The following SYT12 variants were observed in gnomAD, a reference collection of about 807,000 sequenced individuals.
SYT12 encodes the protein synaptotagmin 12.
Under a neutral mutation model 39.5 loss-of-function variants are expected in SYT12, and 27 were observed. That is an observed-to-expected ratio of 0.68 (90% CI 0.50 to 0.94). SYT12 has a LOEUF of 0.94. Ranked by LOEUF, SYT12 falls within the 40% of genes least tolerant of loss-of-function variation. The pLI, the probability that SYT12 is intolerant of heterozygous loss-of-function variation, is 0.00. For missense variants in SYT12, 536 were observed against 572.6 expected (o/e 0.94, Z 0.65); for synonymous variants, 233 against 239.7 (o/e 0.97, Z 0.26).
In SYT12 at chr11:67,030,112, T is replaced by A. The variant is rs549753151; in HGVS notation, c.-23-10T>A. 1 of 1,613,392 alleles carries A rather than the reference T, an allele frequency of 6.2e-7. No individual in the cohort carries two copies. Among genetic ancestry groups the A allele is most frequent in the Admixed American group, 1.7e-5 (1 of 59,980 alleles). Reference sequence around the variant, plus strand: ...GCAGCCCTCTCCTCTCACTCTCTTTTCCCTTCCAGTCACAGTCACTGCAGC... The same window carrying A: ...GCAGCCCTCTCCTCTCACTCTCTTTACCCTTCCAGTCACAGTCACTGCAGC... On this transcript the variant is annotated splice_polypyrimidine_tract_variant and intron_variant, in intron 1 of 7. Coordinates refer to ENST00000527043, the MANE Select transcript of SYT12 (RefSeq NM_177963.4).
At chr11:67,029,420 A>T (rs943894530) in intron 1 of SYT12, 1 of 152,224 alleles carries the variant, frequency 6.6e-6, no homozygotes, top group Non-Finnish European at 1.5e-5. Flanking sequence ...TGTTGTTAGG[A>T]TGGAAATGAG....
At position 67,045,685 on chromosome 11, in the gene SYT12, T is replaced by C. The variant is rs1185184563; in HGVS notation, c.959-59T>C. ...TTGGAGTCGGTGGGTGGAGCCAAAC[T>C]GGGCAGGGCTGTGGTGAGTGAGTGT... On this transcript the variant is annotated intron_variant, in intron 6 of 7. Coordinates refer to ENST00000527043, the MANE Select transcript of SYT12 (RefSeq NM_177963.4). 3.8e-6 allele frequency: 6 copies of C among 1,591,996 alleles called. No individual in the cohort carries two copies. The Middle Eastern group carries it at 5.0e-4, about 133-fold the overall frequency.
chr11:67,021,073 T>C (rs1182512589), upstream of SYT12, among the ~76,000 whole-genome samples: 3 of 152,316 alleles, frequency 2.0e-5, no homozygotes, highest in East Asian at 5.8e-4. Context: ...CTCTTCTTAG[T>C]GGCACAGTCT....
chr11:67,021,937 TTTTC>T (rs1411112652), upstream of SYT12: 1 of 146,178 alleles, frequency 6.8e-6, no homozygotes, highest in Non-Finnish European at 1.5e-5. Flanking sequence ...CTCTTTCTTT[TTTTC>T]TTTTTCTTTT....
Position 67,039,920 on chromosome 11 carries a change from T to C in SYT12, c.338T>C (p.Leu113Pro), listed in dbSNP as rs1364498010. The C allele has an allele frequency of 6.2e-7, 1 of 1,613,634 alleles. No individual in the cohort carries two copies. The highest frequency in any genetic ancestry group is 8.5e-7 in the Non-Finnish European group (1 of 1,180,040). ...GAGAGCATCAGTGAACTGGGGCCTCTGGAGCTGATGGGCCGGGAGTTGGAC... is the reference window on the plus strand; with the variant it reads ...GAGAGCATCAGTGAACTGGGGCCTCCGGAGCTGATGGGCCGGGAGTTGGAC... ...TFESISELGP[L>P]ELMGRELDLA... Residue 113 changes from leucine to proline, a missense_variant, in exon 4 of 8, where the codon CTG (leucine) becomes CCG (proline). Physicochemically the swap from Leu to Pro is moderately conservative, Grantham distance 98 (BLOSUM62 -3). Transcript: ENST00000527043.
intron 1 of SYT12, among the ~76,000 whole-genome samples, chr11:67,009,092 G>A (rs941465808): frequency 3.9e-5 from 6 of 152,040 alleles, no homozygotes; most frequent in East Asian, 1.9e-4. Context: ...CTGCAACCTC[G>A]CCCTCCCAGG....
chr11:67,045,567 G>T, intron 6 of SYT12, 177 bp from the exon 7 acceptor site: 2 of 900,040 alleles, frequency 2.2e-6, no homozygotes, highest in Non-Finnish European at 3.3e-6. Flanking sequence ...TGCTGTGTGA[G>T]CCTCAGTTTT....
In SYT12 at chr11:67,030,186, C is replaced by T. The variant is rs1353947486; in HGVS notation, c.34+8C>T. The T allele has an allele frequency of 6.2e-7, 1 of 1,613,964 alleles. No homozygotes were observed. Among genetic ancestry groups the T allele is most frequent in the East Asian group, 2.2e-5 (1 of 44,880 alleles). ...CAGAATACCATCTGAGCGGTGAGTG[C>T]CCAGGGCAAACCCCTCCTGGATCAC... On this transcript the variant is annotated splice_region_variant and intron_variant, in intron 2 of 7. Transcript: ENST00000527043.
At chr11:67,037,034 T>C (rs1465812988) in intron 3 of SYT12, among the ~76,000 whole-genome samples, 1 of 152,100 alleles carries the variant, frequency 6.6e-6, no homozygotes, top group African/African-American at 2.4e-5. Context: ...GATCACGCCA[T>C]TGCACTCCAA....
chr11:67,043,598 C>G, intron 4 of SYT12, 40 bp from the exon 5 acceptor site: 2 of 1,604,906 alleles, frequency 1.2e-6, no homozygotes, highest in Non-Finnish European at 1.7e-6. Flanking sequence ...GCTGTGGCCT[C>G]TCAGGCCCCT....
chr11:67,034,589 G>A (rs1206481077), intron 2 of SYT12, 56 bp from the exon 3 acceptor site: 2 of 1,505,278 alleles, frequency 1.3e-6, no homozygotes, highest in East Asian at 5.0e-5. Context: ...CTGCTCCCCG[G>A]GTGGGGGTCT....
chr11:67,019,961 G>T (rs948439151), upstream of SYT12, among the ~76,000 whole-genome samples: 1 of 151,694 alleles, frequency 6.6e-6, no homozygotes, highest in Non-Finnish European at 1.5e-5. Flanking sequence ...CAGCTGTGTG[G>T]CCTTGGGCGC....
chr11:67,016,515 G>A (rs1950060847), intron 3 of SYT12, among the ~76,000 whole-genome samples: 1 of 152,216 alleles, frequency 6.6e-6, no homozygotes, highest in Non-Finnish European at 1.5e-5. Flanking sequence ...TTCTCGGCCA[G>A]TTTACATGCT....
At chr11:67,046,092 G>A (rs552434161) in intron 7 of SYT12, among the ~76,000 whole-genome samples, 7 of 152,044 alleles carry the variant, frequency 4.6e-5, no homozygotes, top group African/African-American at 1.4e-4. Context: ...GGACAGGCAG[G>A]AGAGTCCCTA....
At chr11:67,036,137 C>T (rs963774710) in intron 3 of SYT12, among the ~76,000 whole-genome samples, 8 of 151,286 alleles carry the variant, frequency 5.3e-5, no homozygotes, top group Admixed American at 4.6e-4. Flanking sequence ...AGGCTGGCCT[C>T]GAACTCCTGG....
intron 3 of SYT12, among the ~76,000 whole-genome samples, chr11:67,038,252 C>T (rs992214590): frequency 2.1e-4 from 32 of 151,866 alleles, no homozygotes; most frequent in Admixed American, 1.8e-3. Context: ...CTGCAACCTC[C>T]GCCTCCTGGA....
intron 3 of SYT12, among the ~76,000 whole-genome samples, chr11:67,011,735 G>A (rs1950014578): frequency 6.6e-6 from 1 of 151,694 alleles, no homozygotes; most frequent in African/African-American, 2.4e-5. Context: ...CATCCTTCAG[G>A]TCTTGGTTTT....
At chr11:67,045,318 G>T (rs1015851975) in intron 6 of SYT12, among the ~76,000 whole-genome samples, 15 of 152,122 alleles carry the variant, frequency 9.9e-5, no homozygotes, top group Admixed American at 2.0e-4. Context: ...GGCAGGTGCG[G>T]CAAGGACACC....
At position 67,039,843 on chromosome 11, in the gene SYT12, C is replaced by G. The variant is rs369760982; in HGVS notation, c.261C>G (p.Ser87Arg). The change falls in exon 4 of 8, where the codon AGC (serine) becomes AGG (arginine). Residue 87 changes from serine to arginine, a missense_variant. Ser to Arg is a moderately radical substitution (Grantham distance 110). Transcript: ENST00000527043. ...RVPAWNAQRA[S>R]TRGPPSRKGS... Reference sequence around the variant, plus strand: ...CTGCCTGGAATGCCCAGCGGGCCAGCACGCGGGGACCACCCAGCCGCAAAG... The same window carrying G: ...CTGCCTGGAATGCCCAGCGGGCCAGGACGCGGGGACCACCCAGCCGCAAAG... The G allele has an allele frequency of 1.9e-6, 3 of 1,612,354 alleles. No homozygotes were observed. The highest frequency in any genetic ancestry group is 2.5e-6 in the Non-Finnish European group (3 of 1,179,928).
Sources: allele counts gnomAD v4.1 joint callset (sites outside exome capture counted in the v4.1 genomes callset), GRCh38; gene constraint gnomAD v4.1.1; transcripts MANE v1.5; gene names NCBI Gene and HGNC (gene_info 2026-07-23, HGNC 2026-07-21).